Variants in NRG1 observed in about 807,000 individuals in gnomAD.
NRG1 encodes the protein pro-neuregulin-1, membrane-bound isoform.
A neutral mutation model predicts 63.8 loss-of-function variants in NRG1; 18 were observed. That is an observed-to-expected ratio of 0.28 (90% CI 0.19 to 0.42). The LOEUF (loss-of-function observed/expected upper bound fraction) is 0.42. Ranked by LOEUF, NRG1 falls within the 10% of genes least tolerant of loss-of-function variation. The probability of loss-of-function intolerance (pLI) is 1.00; values close to 1 mark genes in which losing one functional copy is unlikely to be tolerated. For synonymous variants in NRG1, 302 were observed against 301.3 expected (o/e 1.00, Z -0.02); for missense variants, 762 against 814.7 (o/e 0.94, Z 0.79).
At chr8:32,464,907 G>T (rs147949699) in intron 1 of NRG1, among the ~76,000 whole-genome samples, 2 of 152,286 alleles carry the variant, frequency 1.3e-5, no homozygotes, top group African/African-American at 4.8e-5. Flanking sequence ...AGGCACAGTG[G>T]CTCACATCTG....
intron 1 of NRG1, among the ~76,000 whole-genome samples, chr8:32,507,275 G>A (rs1588031305): frequency 6.6e-6 from 1 of 152,178 alleles, no homozygotes; most frequent in South Asian, 2.1e-4. Context: ...TAGTGATAGG[G>A]TACTTGTAAA....
intron 5 of NRG1, among the ~76,000 whole-genome samples, chr8:32,715,385 A>G (rs1413349935): frequency 6.6e-6 from 1 of 152,124 alleles, no homozygotes; most frequent in Non-Finnish European, 1.5e-5. Flanking sequence ...ACTTAGAGGA[A>G]AATCCAAGGA....
At chr8:32,127,393 A>G (rs989604272) in intron 1 of NRG1, among the ~76,000 whole-genome samples, 1 of 151,860 alleles carries the variant, frequency 6.6e-6, no homozygotes, top group African/African-American at 2.4e-5. Context: ...GGTTGGCTAC[A>G]GACCTTGCTT....
chr8:32,396,221 C>T (rs1812422276), intron 1 of NRG1, among the ~76,000 whole-genome samples: 1 of 152,088 alleles, frequency 6.6e-6, no homozygotes, highest in Admixed American at 6.5e-5. Flanking sequence ...TGTGTATTTT[C>T]AGAGGACTTT....
At chr8:32,577,626 A>C (rs187014287) in intron 1 of NRG1, among the ~76,000 whole-genome samples, 1 of 152,332 alleles carries the variant, frequency 6.6e-6, no homozygotes, top group Admixed American at 6.5e-5. Flanking sequence ...CTAATAAAAA[A>C]CTAGCATAGT....
At chr8:32,111,056 CAAAT>C (rs1233279847) in intron 1 of NRG1, among the ~76,000 whole-genome samples, 1 of 152,108 alleles carries the variant, frequency 6.6e-6, no homozygotes, top group Non-Finnish European at 1.5e-5. Flanking sequence ...GACATTTTGA[CAAAT>C]AAGCTTAGGA....
At chr8:31,715,973 A>G (rs974053786) in intron 1 of NRG1, among the ~76,000 whole-genome samples, 1 of 152,212 alleles carries the variant, frequency 6.6e-6, no homozygotes, top group Admixed American at 6.5e-5. Context: ...TAATTTTTTA[A>G]GAAAATATGT....
intron 1 of NRG1, among the ~76,000 whole-genome samples, chr8:31,925,058 A>G (rs555211045): frequency 6.7e-6 from 1 of 150,226 alleles, no homozygotes; most frequent in South Asian, 2.1e-4. Context: ...CTGGGAAGTA[A>G]CATGCATTTT....
At chr8:32,466,586 A>G (rs1823092852) in intron 1 of NRG1, among the ~76,000 whole-genome samples, 1 of 152,150 alleles carries the variant, frequency 6.6e-6, no homozygotes, top group African/African-American at 2.4e-5. Flanking sequence ...CACTGGTGTA[A>G]TAATTGTTTG....
At position 31,914,295 on chromosome 8, in the gene NRG1, C is replaced by CT. The variant is rs34010920; in HGVS notation, c.37+274876dup. Among the ~76,000 whole-genome samples, 304 of 148,054 alleles carry CT rather than the reference C, an allele frequency of 2.1e-3. 2 individuals are homozygous for CT. The highest frequency in any genetic ancestry group is 6.9e-3 in the African/African-American group (277 of 40,432). ...ACATTGTTAGCATTGTTATGTCACCCTTTTTTTTTTTTGGTTGTTCACAAA... is the reference window on the plus strand; with the variant it reads ...ACATTGTTAGCATTGTTATGTCACCCTTTTTTTTTTTTTGGTTGTTCACAAA... On this transcript the variant is annotated intron_variant, in intron 1 of 10. Coordinates refer to the NRG1 transcript ENST00000519301.
chr8:32,223,451 G>A (rs575464809), intron 1 of NRG1, among the ~76,000 whole-genome samples: 1 of 152,214 alleles, frequency 6.6e-6, no homozygotes, highest in Non-Finnish European at 1.5e-5. Context: ...GGATATAATT[G>A]CTGTTTCTAT....
chr8:31,846,987 A>G lies in NRG1; in HGVS notation c.37+207556A>G, dbSNP rs563940800. 2.6e-5 allele frequency among the ~76,000 whole-genome samples: 4 copies of G among 152,344 alleles called. No homozygotes were observed. The South Asian group carries it at 6.2e-4, about 24-fold the overall frequency. On this transcript the variant is annotated intron_variant, in intron 1 of 10. Coordinates refer to the NRG1 transcript ENST00000519301. ...TATTTCACAAATATTTGCTGAATGA[A>G]TGAACTCATTATATTTTATTCTCCT... is the stretch of plus-strand genomic sequence containing the variant.
rs1215742864 is a variant in NRG1 at position 32,273,219 on chromosome 8, T to A, written c.38-322609T>A. Among the ~76,000 whole-genome samples the A allele has an allele frequency of 2.0e-5, 3 of 152,306 alleles. No homozygotes were observed. The South Asian group carries it at 6.2e-4, about 32-fold the overall frequency. On this transcript the variant is annotated intron_variant, in intron 1 of 10. Coordinates refer to the NRG1 transcript ENST00000519301. ...TTGTGGTTGTGGGCAGATTTAGGTT[T>A]GTTTTTCTTTCTGAGTCTTTTCTGG...
chr8:31,852,656 T>C (rs1331197221), intron 1 of NRG1, among the ~76,000 whole-genome samples: 3 of 151,938 alleles, frequency 2.0e-5, no homozygotes, highest in Non-Finnish European at 4.4e-5. Flanking sequence ...GCCATTGCTT[T>C]TGGTGTTTTA....
chr8:32,271,685 G>A (rs775411795), intron 1 of NRG1, among the ~76,000 whole-genome samples: 5 of 152,078 alleles, frequency 3.3e-5, no homozygotes, highest in Non-Finnish European at 7.4e-5. Flanking sequence ...TCTACAGTAC[G>A]CATCTATGGA....
intron 6 of NRG1, among the ~76,000 whole-genome samples, chr8:32,731,368 A>C (rs1396575545): frequency 1.3e-5 from 2 of 151,770 alleles, no homozygotes; most frequent in Non-Finnish European, 2.9e-5. Flanking sequence ...CTAATTGTCT[A>C]GTGGATCATT....
chr8:32,379,537 TA>T (rs541812853), intron 1 of NRG1, among the ~76,000 whole-genome samples: 76 of 152,268 alleles, frequency 5.0e-4, no homozygotes, highest in South Asian at 8.3e-4. Flanking sequence ...AATCCTCTGG[TA>T]GGGGTAATTG....
chr8:32,361,427 T>C (rs1342111746), intron 1 of NRG1, among the ~76,000 whole-genome samples: 1 of 152,148 alleles, frequency 6.6e-6, no homozygotes, highest in Non-Finnish European at 1.5e-5. Context: ...AGTCCTTGCT[T>C]AGTGGGCTGT....
chr8:32,389,030 C>A (rs566990337), intron 1 of NRG1, among the ~76,000 whole-genome samples: 2 of 152,206 alleles, frequency 1.3e-5, no homozygotes, highest in African/African-American at 2.4e-5. Flanking sequence ...CTTTATCAAT[C>A]AAAAATATAA....
Sources: allele counts gnomAD v4.1 joint callset (sites outside exome capture counted in the v4.1 genomes callset), GRCh38; gene constraint gnomAD v4.1.1; transcripts MANE v1.5; gene names NCBI Gene and HGNC (gene_info 2026-07-23, HGNC 2026-07-21).